The following LMTK2 variants were observed in gnomAD, a reference collection of about 807,000 sequenced individuals.
LMTK2 encodes the protein lemur tail kinase 2, also known as serine/threonine-protein kinase LMTK2.
A neutral mutation model predicts 127.5 loss-of-function variants in LMTK2; 37 were observed. That is an observed-to-expected ratio of 0.29 (90% CI 0.22 to 0.38). The LOEUF (loss-of-function observed/expected upper bound fraction) is 0.38, where lower values mean the gene tolerates loss of function less well. Ranked by LOEUF, LMTK2 falls within the 10% of genes least tolerant of loss-of-function variation. The pLI is 1.00. For synonymous variants in LMTK2, 819 were observed against 810.1 expected (o/e 1.01, Z -0.19); for missense variants, 1,694 against 1,920.3 (o/e 0.88, Z 2.20).
chr7:98,181,694 C>T (rs1216691702), intron 7 of LMTK2, among the ~76,000 whole-genome samples: 2 of 152,142 alleles, frequency 1.3e-5, no homozygotes, highest in Non-Finnish European at 2.9e-5. Context: ...GAGCCTCGCT[C>T]TGTTGCCAGG....
intron 3 of LMTK2, among the ~76,000 whole-genome samples, chr7:98,151,112 T>TGGCC (rs1796845840): frequency 6.6e-6 from 1 of 152,176 alleles, no homozygotes; most frequent in African/African-American, 2.4e-5. Flanking sequence ...TAAAGGCCAT[T>TGGCC]GGCCTGGTGA....
chr7:98,164,403 G>A (rs751259366), intron 6 of LMTK2, among the ~76,000 whole-genome samples: 1 of 152,120 alleles, frequency 6.6e-6, no homozygotes, highest in Non-Finnish European at 1.5e-5. Flanking sequence ...TTGCCTGCTC[G>A]GATGTTCATT....
chr7:98,176,228 G>A (rs1797275784), intron 7 of LMTK2, among the ~76,000 whole-genome samples: 1 of 152,126 alleles, frequency 6.6e-6, no homozygotes, highest in African/African-American at 2.4e-5. Context: ...GTATAATTCA[G>A]CAGCTATTCT....
rs1797189081 is a variant in LMTK2, at chr7:98,171,441, A to G, written c.658-100A>G. 2 of 1,483,896 alleles carry G rather than the reference A, an allele frequency of 1.3e-6. No homozygotes were observed. Among genetic ancestry groups the G allele is most frequent in the African/African-American group, 1.4e-5 (1 of 72,202 alleles). 91.9% of individuals were successfully genotyped at this position (1,483,896 alleles called of 1,614,324 possible). On this transcript the variant is annotated intron_variant, in intron 6 of 13. Coordinates refer to ENST00000297293, the MANE Select transcript of LMTK2 (RefSeq NM_014916.4). This position sits in a 1 kb window ranked among gnomAD's most constrained non-coding sequence, Gnocchi z 5.1. ...TAAGTATGAACAAAAGAAGTTTCTAATAAATAATCTTAACAGTTAGTGTTC... is the reference window on the plus strand; with the variant it reads ...TAAGTATGAACAAAAGAAGTTTCTAGTAAATAATCTTAACAGTTAGTGTTC...
intron 1 of LMTK2, among the ~76,000 whole-genome samples, chr7:98,131,887 A>G (rs1228121872): frequency 1.3e-5 from 2 of 152,228 alleles, no homozygotes; most frequent in African/African-American, 2.4e-5. Flanking sequence ...TTGTGACACC[A>G]GCAGTGAATA....
rs1797822628 is a variant in LMTK2 at position 98,207,365 on chromosome 7, CCT to C, written c.*1877_*1878del. 6.6e-6 allele frequency: 1 copy of C among 152,150 alleles called. No individual in the cohort carries two copies. The highest frequency in any genetic ancestry group is 6.5e-5 in the Admixed American group (1 of 15,278). The allele number at this position is 152,150 out of a possible 1,614,324, so 9.4% of individuals were successfully genotyped here. The stretch of plus-strand genomic sequence containing the variant: ...CCTTCATTGCCAGTTCCACCCTACT[CCT>C]CTCATTTTTTATACTAAGCAATAAC... On this transcript the variant is annotated 3_prime_UTR_variant, in exon 14 of 14. Transcript: ENST00000297293.
chr7:98,192,301 C>A lies in LMTK2; in HGVS notation c.1836C>A (p.Asp612Glu), dbSNP rs769501267. The change falls in exon 11 of 14, where the codon GAC becomes GAA. Residue 612 changes from aspartate (D) to glutamate (E), a missense_variant. Physicochemically the swap from Asp to Glu is conservative, Grantham distance 45. Transcript: ENST00000297293. Reference sequence around the variant, plus strand: ...AGGACTTCTTCCAAAGCAGTACAGACCCCAAAGACTCTAGCTTACCAGGGG... The same window carrying A: ...AGGACTTCTTCCAAAGCAGTACAGAACCCAAAGACTCTAGCTTACCAGGGG... Reference protein sequence around the residue: ...TDEDFFQSSTDPKDSSLPGDL... With the variant: ...TDEDFFQSSTEPKDSSLPGDL... 1 of 1,548,006 alleles carries A rather than the reference C, an allele frequency of 6.5e-7. No individual in the cohort carries two copies. Among genetic ancestry groups the A allele is most frequent in the Admixed American group, 2.1e-5 (1 of 47,318 alleles).
intron 4 of LMTK2, among the ~76,000 whole-genome samples, chr7:98,152,632 A>G (rs62479799): frequency 0.077 from 11,660 of 152,188 alleles, 671 homozygotes; most frequent in Non-Finnish European, 0.12. Flanking sequence ...CAAACAGTCA[A>G]TTGTGGGAGG....
chr7:98,202,849 CA>C lies in LMTK2; in HGVS notation c.4108-724del, dbSNP rs1391246142. Among the ~76,000 whole-genome samples the C allele has an allele frequency of 7.9e-5, 12 of 152,336 alleles. No individual in the cohort carries two copies. The East Asian group carries it at 1.9e-3, about 24-fold the overall frequency. ...TCTTCTGTGATGTCCCTGATACTTG[CA>C]GTTCTTTGGGCCTCTGCTTTCTGGT... On this transcript the variant is annotated intron_variant, in intron 11 of 13. Coordinates refer to ENST00000297293, the MANE Select transcript of LMTK2 (RefSeq NM_014916.4).
intron 1 of LMTK2, among the ~76,000 whole-genome samples, chr7:98,112,260 C>T (rs945583580): frequency 7.9e-5 from 12 of 152,098 alleles, no homozygotes; most frequent in African/African-American, 2.9e-4. Context: ...TGCAGTGGTG[C>T]GATCATAGCT....
chr7:98,182,796 C>T (rs1393907107), intron 7 of LMTK2, among the ~76,000 whole-genome samples: 1 of 152,172 alleles, frequency 6.6e-6, no homozygotes. Context: ...CATGTTCATA[C>T]CAGCATCATT....
At chr7:98,124,893 A>G (rs761444215) in intron 1 of LMTK2, among the ~76,000 whole-genome samples, 4 of 152,260 alleles carry the variant, frequency 2.6e-5, no homozygotes, top group Non-Finnish European at 4.4e-5. Flanking sequence ...ATTGTAAGCA[A>G]CATGTAAATA....
rs185780938 is a variant in LMTK2, at chr7:98,108,327, G to A, written c.103+1047G>A. On this transcript the variant is annotated intron_variant, in intron 1 of 13. Transcript: ENST00000297293. ...CTTGTAACTGTTTTGGAATACTCTC[G>A]AGGTCAAGAGTTATTTTGGAATAAT... is the stretch of plus-strand genomic sequence containing the variant. Among the ~76,000 whole-genome samples, 1,145 of 152,154 alleles carry A rather than the reference G, an allele frequency of 7.5e-3. 28 individuals are homozygous for A. The highest frequency in any genetic ancestry group is 0.029 in the Admixed American group (440 of 15,276).
intron 11 of LMTK2, among the ~76,000 whole-genome samples, chr7:98,198,236 G>T (rs1269187191): frequency 1.3e-5 from 2 of 150,400 alleles, no homozygotes; most frequent in African/African-American, 4.9e-5. Context: ...CTGTCGCCAG[G>T]TTGGAGGGCA....
chr7:98,128,001 G>C (rs1317473841), intron 1 of LMTK2, among the ~76,000 whole-genome samples: 1 of 152,124 alleles, frequency 6.6e-6, no homozygotes, highest in Non-Finnish European at 1.5e-5. Context: ...AAAATTAGCT[G>C]GGTGCGGTAG....
chr7:98,120,800 A>C (rs1796349679), intron 1 of LMTK2, among the ~76,000 whole-genome samples: 1 of 152,112 alleles, frequency 6.6e-6, no homozygotes, highest in East Asian at 1.9e-4. Flanking sequence ...ATTAAAATGC[A>C]ACACCCTGAC....
rs1274131436 is a variant in LMTK2 at position 98,206,579 on chromosome 7, C to T, written c.*1087C>T. 3.3e-5 allele frequency: 5 copies of T among 152,248 alleles called. No homozygotes were observed. The highest frequency in any genetic ancestry group is 9.6e-5 in the African/African-American group (4 of 41,454). The allele number at this position is 152,248 out of a possible 1,614,324, so 9.4% of individuals were successfully genotyped here. On this transcript the variant is annotated 3_prime_UTR_variant, in exon 14 of 14. Transcript: ENST00000297293. ...GGAGGCCAGGCTGCTGGGAAGCTTC[C>T]GTGTTCCTGTCAGTCCTTCCTTCAA... is the stretch of plus-strand genomic sequence containing the variant.
chr7:98,160,327 T>G (rs1454973099), intron 6 of LMTK2, among the ~76,000 whole-genome samples: 1 of 152,256 alleles, frequency 6.6e-6, no homozygotes, highest in Non-Finnish European at 1.5e-5. Flanking sequence ...TTTTAATTCC[T>G]AAGTGTGATT....
intron 1 of LMTK2, among the ~76,000 whole-genome samples, chr7:98,135,844 G>A (rs534172440): frequency 6.6e-6 from 1 of 152,174 alleles, no homozygotes; most frequent in South Asian, 2.1e-4. Context: ...GTGGCTCACA[G>A]GCAGTATCCT....
Sources: allele counts gnomAD v4.1 joint callset (sites outside exome capture counted in the v4.1 genomes callset), GRCh38; gene constraint gnomAD v4.1.1; non-coding constraint Gnocchi (gnomAD v3.1); transcripts MANE v1.5; gene names NCBI Gene and HGNC (gene_info 2026-07-23, HGNC 2026-07-21).